The following IL1RAPL1 variants were observed in gnomAD, a reference collection of about 807,000 sequenced individuals.
The protein encoded by IL1RAPL1 is interleukin-1 receptor accessory protein-like 1.
In IL1RAPL1, 3 loss-of-function variants were observed where a neutral mutation model predicts 48.4. The ratio of observed to expected loss-of-function variants is 0.06; its 90% confidence interval spans 0.03 to 0.16. The LOEUF (loss-of-function observed/expected upper bound fraction) is 0.16, where lower values mean the gene tolerates loss of function less well. Ranked by LOEUF, IL1RAPL1 falls within the 10% of genes least tolerant of loss-of-function variation. The pLI, the probability that IL1RAPL1 is intolerant of heterozygous loss-of-function variation, is 1.00. For missense variants in IL1RAPL1, 349 were observed against 530.6 expected, an observed-to-expected ratio of 0.66 and a Z score of 3.36; for synonymous variants, 185 against 187.7, an observed-to-expected ratio of 0.99 and a Z score of 0.12.
chrX:28,772,733 T>C (rs886351426), intron 1 of IL1RAPL1, among the ~76,000 whole-genome samples: 3 of 112,101 alleles, frequency 2.7e-5, no homozygotes, highest in Non-Finnish European at 5.6e-5. Flanking sequence ...TGACGTTATA[T>C]TGGCAGGTCT....
intron 4 of IL1RAPL1, among the ~76,000 whole-genome samples, chrX:29,397,251 T>C (rs201280937): frequency 8.9e-6 from 1 of 112,481 alleles, no homozygotes; most frequent in Non-Finnish European, 1.9e-5. Flanking sequence ...AGTGGGACTT[T>C]AGAAACTGGG....
At position 29,399,267 on chromosome X, in the gene IL1RAPL1, G is replaced by A; in HGVS notation, c.662G>A (p.Gly221Glu). ...IGNYTCELKY[G>E]GFVVRRTTEL... ...AATTATACCTGTGAATTAAAATATG[G>A]AGGCTTTGTTGTGAGAAGAACTACT... Residue 221 changes from glycine to glutamate, a missense_variant, in exon 5 of 11, where the codon GGA becomes GAA. Gly to Glu is a moderately conservative substitution (Grantham distance 98). This residue lies in a region of IL1RAPL1 where 238 missense variants were observed against 337.8 expected (regional missense o/e 0.70). Coordinates refer to ENST00000378993, the MANE Select transcript of IL1RAPL1 (RefSeq NM_014271.4). 2.5e-6 allele frequency: 3 copies of A among 1,204,836 alleles called. No individual in the cohort carries two copies. Among genetic ancestry groups the A allele is most frequent in the Non-Finnish European group, 3.4e-6 (3 of 889,334 alleles).
intron 1 of IL1RAPL1, among the ~76,000 whole-genome samples, chrX:28,716,181 T>TA (rs1301366538): frequency 1.8e-5 from 2 of 111,880 alleles, no homozygotes; most frequent in African/African-American, 3.3e-5. Context: ...TGAAGGAACA[T>TA]ACGTCAAAAT....
chrX:28,894,571 G>A (rs763387680), intron 2 of IL1RAPL1, among the ~76,000 whole-genome samples: 2 of 111,346 alleles, frequency 1.8e-5, no homozygotes, highest in African/African-American at 3.3e-5. Flanking sequence ...TGAAGGAGCC[G>A]GGGAGCAGAA....
chrX:29,614,100 G>A (rs1924199379), intron 5 of IL1RAPL1, among the ~76,000 whole-genome samples: 1 of 111,102 alleles, frequency 9.0e-6, no homozygotes, highest in Admixed American at 9.6e-5. Flanking sequence ...CTTATATTAT[G>A]GAACACTTAC....
At chrX:29,601,595 T>C (rs1188473578) in intron 5 of IL1RAPL1, among the ~76,000 whole-genome samples, 3 of 112,438 alleles carry the variant, frequency 2.7e-5, no homozygotes, top group South Asian at 3.6e-4. Context: ...ACCCACCCTT[T>C]AGTTTTCTTT....
At chrX:29,712,394 A>G (rs764537006) in intron 6 of IL1RAPL1, among the ~76,000 whole-genome samples, 1 of 112,016 alleles carries the variant, frequency 8.9e-6, no homozygotes, top group South Asian at 3.6e-4. Context: ...GGCGTGTCAA[A>G]TAATAAATAA....
intron 5 of IL1RAPL1, among the ~76,000 whole-genome samples, chrX:29,566,095 T>C (rs6526884): frequency 0.081 from 8,875 of 110,147 alleles, 741 homozygotes; most frequent in African/African-American, 0.25. Flanking sequence ...ACTACAGGCG[T>C]CCGCCACCAC....
intron 6 of IL1RAPL1, among the ~76,000 whole-genome samples, chrX:29,825,807 T>C (rs1348327920): frequency 8.9e-6 from 1 of 112,024 alleles, no homozygotes; most frequent in African/African-American, 3.2e-5. Context: ...ACTATTATCC[T>C]TCTTAAGATT....
intron 5 of IL1RAPL1, among the ~76,000 whole-genome samples, chrX:29,520,721 A>ATTG (rs1569329783): frequency 9.0e-6 from 1 of 111,463 alleles, no homozygotes; most frequent in Non-Finnish European, 1.9e-5. Context: ...TATTATTATT[A>ATTG]TTATTATCTT....
chrX:29,491,167 A>G (rs1255992454), intron 5 of IL1RAPL1, among the ~76,000 whole-genome samples: 4 of 111,569 alleles, frequency 3.6e-5, no homozygotes, highest in Non-Finnish European at 7.5e-5. Context: ...GCCTTTAGCA[A>G]TTTGAAGTGA....
At chrX:28,836,127 A>T (rs1214641982) in intron 2 of IL1RAPL1, among the ~76,000 whole-genome samples, 6 of 110,034 alleles carry the variant, frequency 5.5e-5, no homozygotes, top group African/African-American at 2.0e-4. Context: ...TGTACTAGGC[A>T]TTTAGCTGTC....
At chrX:28,786,140 C>T (rs1936470609) in intron 1 of IL1RAPL1, among the ~76,000 whole-genome samples, 1 of 111,319 alleles carries the variant, frequency 9.0e-6, no homozygotes, top group African/African-American at 3.3e-5. Context: ...ATTGGTAGTA[C>T]TTACAATAAT....
intron 2 of IL1RAPL1, among the ~76,000 whole-genome samples, chrX:28,939,131 C>G (rs943469422): frequency 6.3e-5 from 7 of 110,746 alleles, no homozygotes; most frequent in African/African-American, 2.3e-4. Context: ...GTGACGATTC[C>G]TCAAAGACCT....
chrX:29,190,002 T>C (rs1186784370), intron 2 of IL1RAPL1, among the ~76,000 whole-genome samples: 4 of 111,596 alleles, frequency 3.6e-5, no homozygotes, highest in Non-Finnish European at 7.5e-5. Context: ...AGATCTTGTT[T>C]CAATCCTGAC....
At chrX:29,862,372 C>T (rs943953014) in intron 6 of IL1RAPL1, among the ~76,000 whole-genome samples, 1 of 111,233 alleles carries the variant, frequency 9.0e-6, no homozygotes, top group Non-Finnish European at 1.9e-5. Flanking sequence ...CTTTCACTTC[C>T]TTGGTGGATG....
chrX:28,875,584 T>G (rs1325345876), intron 2 of IL1RAPL1, among the ~76,000 whole-genome samples: 2 of 111,775 alleles, frequency 1.8e-5, no homozygotes, highest in Non-Finnish European at 1.9e-5. Context: ...ATCTCCAATA[T>G]TGGAGATGGG....
chrX:29,082,243 G>A (rs771293974), intron 2 of IL1RAPL1, among the ~76,000 whole-genome samples: 65 of 112,262 alleles, frequency 5.8e-4, no homozygotes, highest in Non-Finnish European at 9.2e-4. Flanking sequence ...TTATTTCTAA[G>A]TGAAGGTTAC....
Position 29,624,681 on chromosome X carries a change from C to CA in IL1RAPL1, c.704-43735dup, listed in dbSNP as rs760717696. Among the ~76,000 whole-genome samples the CA allele has an allele frequency of 4.7e-3, 384 of 81,994 alleles. 3 individuals are homozygous for CA. The highest frequency in any genetic ancestry group is 0.011 in the African/African-American group (253 of 22,898). The allele number at this position is 81,994 out of a possible 115,157, so 71.2% of individuals were successfully genotyped here. A position where few individuals can be genotyped will look rare whatever the true frequency, so the allele number is the denominator to read the frequency against. On this transcript the variant is annotated intron_variant, in intron 5 of 10. Transcript: ENST00000378993. Reference sequence around the variant, plus strand: ...GAAACCCTGTTTTTTACAAAAAATACAAAAAAAAAAAAAATTAGCTGGGCT... The same window carrying CA: ...GAAACCCTGTTTTTTACAAAAAATACAAAAAAAAAAAAAAATTAGCTGGGCT...
Sources: allele counts gnomAD v4.1 joint callset (sites outside exome capture counted in the v4.1 genomes callset), GRCh38; gene constraint gnomAD v4.1.1; regional missense constraint gnomAD v4.1.1; transcripts MANE v1.5; gene names NCBI Gene and HGNC (gene_info 2026-07-23, HGNC 2026-07-21).